Variants in RBM6 observed in about 807,000 individuals in gnomAD.
RBM6 encodes the protein RNA-binding protein 6.
A neutral mutation model predicts 140.4 loss-of-function variants in RBM6; 23 were observed. The ratio of observed to expected loss-of-function variants is 0.16; its 90% CI spans 0.12 to 0.23. RBM6 has a LOEUF of 0.23. Ranked by LOEUF, RBM6 falls within the 10% of genes least tolerant of loss-of-function variation. RBM6 has a pLI of 1.00. For synonymous variants in RBM6, 439 were observed against 475.6 expected, an observed-to-expected ratio of 0.92 and a Z score of 1.00; for missense variants, 1,139 against 1,386.7, an observed-to-expected ratio of 0.82 and a Z score of 2.84.
chr3:50,051,021 G>T (rs1255781755), intron 7 of RBM6, among the ~76,000 whole-genome samples: 1 of 151,780 alleles, frequency 6.6e-6, no homozygotes, highest in East Asian at 1.9e-4. Flanking sequence ...TCACTTTCTT[G>T]AGAGTATCCT....
intron 6 of RBM6, among the ~76,000 whole-genome samples, chr3:50,013,541 G>T (rs1559586312): frequency 6.6e-6 from 1 of 152,136 alleles, no homozygotes. Context: ...GGTGGCACAT[G>T]TCTGTAGTCC....
At chr3:50,069,078 G>A (rs953189963) in intron 18 of RBM6, among the ~76,000 whole-genome samples, 7 of 152,154 alleles carry the variant, frequency 4.6e-5, no homozygotes, top group Non-Finnish European at 1.5e-5. Context: ...TAGCGCTGCT[G>A]AAATAGCATC....
At chr3:49,973,121 A>G (rs1212894604) in intron 4 of RBM6, among the ~76,000 whole-genome samples, 1 of 151,462 alleles carries the variant, frequency 6.6e-6, no homozygotes, top group African/African-American at 2.4e-5. Flanking sequence ...ATGAGCCACC[A>G]AGCCCAGCCC....
At chr3:50,072,303 G>A (rs2090329283) in intron 19 of RBM6, among the ~76,000 whole-genome samples, 4 of 151,164 alleles carry the variant, frequency 2.6e-5, no homozygotes, top group South Asian at 4.2e-4. Flanking sequence ...CCAGCTACTC[G>A]GGAGACTGGG....
chr3:49,941,759 AG>A, intron 1 of RBM6, among the ~76,000 whole-genome samples: 1 of 149,222 alleles, frequency 6.7e-6, no homozygotes, highest in East Asian at 2.0e-4. Context: ...GTAGAGGCGG[AG>A]TTTCGCTATG....
At chr3:50,007,189 GT>G (rs752697456) in intron 6 of RBM6, among the ~76,000 whole-genome samples, 207 of 131,734 alleles carry the variant, frequency 1.6e-3, no homozygotes, top group Middle Eastern at 7.9e-3. Context: ...CCTAGTTGGA[GT>G]TTTTTTTTTT....
intron 19 of RBM6, among the ~76,000 whole-genome samples, chr3:50,073,697 G>A (rs1310195367): frequency 6.6e-6 from 1 of 152,142 alleles, no homozygotes; most frequent in African/African-American, 2.4e-5. Context: ...TTTGTAAAGA[G>A]AAATCTACTC....
Position 50,000,352 on chromosome 3 carries a change from T to C in RBM6, c.1557+839T>C, listed in dbSNP as rs1405658029. On this transcript the variant is annotated intron_variant, in intron 6 of 20. Coordinates refer to ENST00000266022, the MANE Select transcript of RBM6 (RefSeq NM_005777.3). ...TTTGATGTGTTTTTTTTTTCTTTTT[T>C]TTTTTTTTTAATGTACCCACTGCCT... 4.0e-5 allele frequency among the ~76,000 whole-genome samples: 6 copies of C among 150,946 alleles called. 1 individual carries two copies. Among genetic ancestry groups the C allele is most frequent in the Admixed American group, 1.3e-4 (2 of 15,210 alleles).
At chr3:49,982,703 CCA>C (rs1296157544) in intron 5 of RBM6, among the ~76,000 whole-genome samples, 4 of 151,040 alleles carry the variant, frequency 2.6e-5, no homozygotes, top group Admixed American at 6.6e-5. Flanking sequence ...CAGGTGTGAG[CCA>C]CCGTGTCTGG....
intron 5 of RBM6, among the ~76,000 whole-genome samples, chr3:49,999,037 CTTTTTTTT>C (rs59944289): frequency 6.7e-5 from 9 of 134,938 alleles, no homozygotes; most frequent in African/African-American, 2.4e-4. Context: ...CTCGGGATAC[CTTTTTTTT>C]TTTTTTTTTC....
intron 11 of RBM6, 54 bp downstream of exon 11, chr3:50,059,800 G>A (rs1229732223): frequency 7.1e-7 from 1 of 1,401,572 alleles, no homozygotes; most frequent in Non-Finnish European, 9.9e-7. Context: ...GTTTTTGAGA[G>A]GAAACTCCTT....
At chr3:49,962,820 G>A in intron 2 of RBM6, 135 bp downstream of exon 2, 3 of 903,794 alleles carry the variant, frequency 3.3e-6, no homozygotes, top group Non-Finnish European at 1.6e-6. Context: ...AAATTTGGCT[G>A]GGCGCGGTGG....
chr3:50,052,204 A>G (rs982383348), intron 7 of RBM6, among the ~76,000 whole-genome samples: 4 of 152,156 alleles, frequency 2.6e-5, no homozygotes, highest in Non-Finnish European at 5.9e-5. Flanking sequence ...AGCTGGGATT[A>G]CAGGCGTGTG....
intron 1 of RBM6, among the ~76,000 whole-genome samples, chr3:49,957,050 A>G (rs2084025685): frequency 6.6e-6 from 1 of 152,150 alleles, no homozygotes; most frequent in South Asian, 2.1e-4. Flanking sequence ...TGATGAGATC[A>G]TAGCTCACTG....
chr3:49,992,217 G>T (rs1288963704), intron 5 of RBM6, among the ~76,000 whole-genome samples: 1 of 152,084 alleles, frequency 6.6e-6, no homozygotes, highest in Non-Finnish European at 1.5e-5. Context: ...CTCCCAAAAT[G>T]TTGGGATTAC....
chr3:49,946,492 G>A (rs2108570669), intron 1 of RBM6, among the ~76,000 whole-genome samples: 1 of 152,112 alleles, frequency 6.6e-6, no homozygotes, highest in East Asian at 1.9e-4. Flanking sequence ...CGCCAGCCTT[G>A]GCCTCCCAAA....
chr3:49,945,253 C>T (rs190540181), intron 1 of RBM6, among the ~76,000 whole-genome samples: 2 of 150,420 alleles, frequency 1.3e-5, no homozygotes, highest in East Asian at 1.9e-4. Context: ...TCACAGTTCT[C>T]TGCAGCCCTG....
intron 6 of RBM6, among the ~76,000 whole-genome samples, chr3:50,038,117 C>T (rs1176204719): frequency 1.3e-5 from 2 of 152,062 alleles, no homozygotes; most frequent in East Asian, 1.9e-4. Flanking sequence ...CCACCGCTGC[C>T]GGTTCCAATG....
At chr3:50,023,165 C>T (rs909361453) in intron 6 of RBM6, among the ~76,000 whole-genome samples, 33 of 152,044 alleles carry the variant, frequency 2.2e-4, no homozygotes, top group Non-Finnish European at 1.2e-4. Context: ...TGAGTTTTCC[C>T]AAGAATTTAT....
Sources: allele counts gnomAD v4.1 joint callset (sites outside exome capture counted in the v4.1 genomes callset), GRCh38; gene constraint gnomAD v4.1.1; transcripts MANE v1.5; gene names NCBI Gene and HGNC (gene_info 2026-07-23, HGNC 2026-07-21).